The following RTN1 variants were observed in gnomAD, a reference collection of about 807,000 sequenced individuals.
The protein encoded by RTN1 is reticulon 1.
Under a neutral mutation model 65.5 loss-of-function variants are expected in RTN1, and 25 were observed. That is an observed-to-expected ratio of 0.38 (90% CI 0.28 to 0.53). The LOEUF is 0.53. Ranked by LOEUF, RTN1 falls within the 20% of genes least tolerant of loss-of-function variation. RTN1 has a pLI of 0.79. For synonymous variants in RTN1, 471 were observed against 447.6 expected, an observed-to-expected ratio of 1.05 and a Z score of -0.66; for missense variants, 983 against 1,025.4, an observed-to-expected ratio of 0.96 and a Z score of 0.57.
At chr14:59,845,739 T>C (rs946383543) in intron 1 of RTN1, among the ~76,000 whole-genome samples, 1 of 152,182 alleles carries the variant, frequency 6.6e-6, no homozygotes, top group Non-Finnish European at 1.5e-5. Context: ...CTTGTCCATA[T>C]CTGATTATGC....
At chr14:59,770,022 C>T (rs1464334081) in intron 1 of RTN1, among the ~76,000 whole-genome samples, 1 of 152,040 alleles carries the variant, frequency 6.6e-6, no homozygotes, top group Non-Finnish European at 1.5e-5. Context: ...AGGACTGTCA[C>T]GTATAGTTGA....
intron 1 of RTN1, among the ~76,000 whole-genome samples, chr14:59,838,588 A>C (rs1233194815): frequency 6.6e-6 from 1 of 152,188 alleles, no homozygotes; most frequent in Non-Finnish European, 1.5e-5. Flanking sequence ...AAATACCCAG[A>C]AAACTGAAAA....
intron 2 of RTN1, among the ~76,000 whole-genome samples, chr14:59,728,534 C>G (rs1328535172): frequency 6.6e-6 from 1 of 152,062 alleles, no homozygotes; most frequent in African/African-American, 2.4e-5. Context: ...GCTGAGCTTT[C>G]CCTCCCATAG....
intron 3 of RTN1, among the ~76,000 whole-genome samples, chr14:59,684,836 A>G (rs1039209818): frequency 6.6e-6 from 1 of 152,156 alleles, no homozygotes; most frequent in African/African-American, 2.4e-5. Context: ...CTCCATAGAA[A>G]TCTGAAATCA....
At chr14:59,777,332 G>T (rs945899958) in intron 1 of RTN1, among the ~76,000 whole-genome samples, 1 of 152,082 alleles carries the variant, frequency 6.6e-6, no homozygotes, top group African/African-American at 2.4e-5. Context: ...CACAGACTTT[G>T]TACCCCTCAA....
At chr14:59,725,575 C>T (rs962663237) in intron 3 of RTN1, among the ~76,000 whole-genome samples, 3 of 152,224 alleles carry the variant, frequency 2.0e-5, no homozygotes, top group African/African-American at 7.2e-5. Flanking sequence ...AATTTGTCTT[C>T]AAGTATCTTC....
chr14:59,804,369 C>T (rs922639366), intron 1 of RTN1, among the ~76,000 whole-genome samples: 1 of 152,150 alleles, frequency 6.6e-6, no homozygotes, highest in African/African-American at 2.4e-5. Context: ...GACATGACAT[C>T]GCTGGTGATA....
At chr14:59,800,806 G>A (rs1234973765) in intron 1 of RTN1, among the ~76,000 whole-genome samples, 2 of 152,050 alleles carry the variant, frequency 1.3e-5, no homozygotes, top group Non-Finnish European at 2.9e-5. Flanking sequence ...ATATCATACA[G>A]AGAGATTAAA....
intron 2 of RTN1, among the ~76,000 whole-genome samples, chr14:59,745,184 T>A (rs1885190818): frequency 6.6e-6 from 1 of 152,038 alleles, no homozygotes; most frequent in South Asian, 2.1e-4. Flanking sequence ...CTTCAGAGAG[T>A]CCCCACTAGC....
chr14:59,870,321 C>A lies in RTN1; in HGVS notation c.241+69G>T. 1 of 1,363,696 alleles carries A rather than the reference C, an allele frequency of 7.3e-7. No individual in the cohort carries two copies. The highest frequency in any genetic ancestry group is 9.4e-7 in the Non-Finnish European group (1 of 1,060,354). 84.5% of individuals were successfully genotyped at this position (1,363,696 alleles called of 1,614,324 possible). ...GCGAGGCAGGTGCCCAGGAGAGCCG[C>A]GCAGAAGGGGACTGACTGGGGGGCC... On this transcript the variant is annotated intron_variant, in intron 1 of 8. Coordinates refer to ENST00000267484, the MANE Select transcript of RTN1 (RefSeq NM_021136.3). The surrounding 1 kb of genome is among the most constrained non-coding windows in gnomAD (Gnocchi z 5.1).
At chr14:59,721,832 G>A (rs539218069) in intron 3 of RTN1, among the ~76,000 whole-genome samples, 28 of 152,298 alleles carry the variant, frequency 1.8e-4, no homozygotes, top group African/African-American at 4.3e-4. Flanking sequence ...GGTCGGCACC[G>A]AGTACCTTTA....
rs1009206883 is a variant in RTN1, at chr14:59,834,406, T to C, written c.241+35984A>G. On this transcript the variant is annotated intron_variant, in intron 1 of 8. Transcript: ENST00000267484. Reference sequence around the variant, plus strand: ...AACTTGTCCTCTTTAAAAGAGACTGTTAAGAGAATGAAAAGACAAGCCACA... The same window carrying C: ...AACTTGTCCTCTTTAAAAGAGACTGCTAAGAGAATGAAAAGACAAGCCACA... Among the ~76,000 whole-genome samples the C allele has an allele frequency of 2.0e-5, 3 of 152,138 alleles. No individual in the cohort carries two copies. In the South Asian group the frequency reaches 6.2e-4, roughly 32 times the overall value.
chr14:59,780,826 A>G (rs1013343770), intron 1 of RTN1, among the ~76,000 whole-genome samples: 1 of 152,172 alleles, frequency 6.6e-6, no homozygotes, highest in African/African-American at 2.4e-5. Context: ...CATTAGTTCC[A>G]CAAATATTTA....
At chr14:59,783,074 A>ATGAAGAAAGCAAGACAGAAAAAAGG (rs1886186281) in intron 1 of RTN1, among the ~76,000 whole-genome samples, 1 of 152,214 alleles carries the variant, frequency 6.6e-6, no homozygotes, top group Non-Finnish European at 1.5e-5. Flanking sequence ...GATTTTACAG[A>ATGAAGAAAGCAAGACAGAAAAAAGG]TGAAGAAAGC....
chr14:59,607,485 G>C lies in RTN1; in HGVS notation c.1773C>G (p.Asp591Glu), dbSNP rs1881798305. 1.2e-6 allele frequency: 2 copies of C among 1,605,360 alleles called. No homozygotes were observed. Among genetic ancestry groups the C allele is most frequent in the Non-Finnish European group, 1.7e-6 (2 of 1,175,678 alleles). The change falls in exon 4 of 9, where the codon GAC becomes GAG. Residue 591 changes from aspartate (D) to glutamate (E), a missense_variant. Coordinates refer to ENST00000267484, the MANE Select transcript of RTN1 (RefSeq NM_021136.3). ...GCTTGATGTCCCGCCAATACAACAG[G>C]TCAATAGCTGCAGGAGACACCAAAC... Reference protein sequence around the residue: ...LLFLNKQKAIDLLYWRDIKQT... With the variant: ...LLFLNKQKAIELLYWRDIKQT...
At chr14:59,712,149 G>GT (rs1884436752) in intron 3 of RTN1, among the ~76,000 whole-genome samples, 4 of 152,146 alleles carry the variant, frequency 2.6e-5, no homozygotes, top group Non-Finnish European at 5.9e-5. Context: ...ACTGTAGTAT[G>GT]GCCTAACAGA....
rs143351046 is a variant in RTN1 at position 59,635,783 on chromosome 14, G to T, written c.1766-28291C>A. On this transcript the variant is annotated intron_variant, in intron 3 of 8. Transcript: ENST00000267484. ...GTAAATGGAAAGCACAAAATGAAGT[G>T]TCATAAGTCCTCACTTAACATCGTT... Among the ~76,000 whole-genome samples the T allele has an allele frequency of 4.7e-4, 71 of 152,298 alleles. No homozygotes were observed. In the East Asian group the frequency reaches 0.012, roughly 26 times the overall value.
At chr14:59,665,668 C>T (rs957534612) in intron 3 of RTN1, among the ~76,000 whole-genome samples, 3 of 152,044 alleles carry the variant, frequency 2.0e-5, no homozygotes, top group Non-Finnish European at 4.4e-5. Flanking sequence ...AGAGTCAAGA[C>T]CCATCAGTGT....
chr14:59,741,860 T>C (rs1166443321), intron 2 of RTN1, among the ~76,000 whole-genome samples: 1 of 152,206 alleles, frequency 6.6e-6, no homozygotes, highest in Non-Finnish European at 1.5e-5. Context: ...CTCATTCAGA[T>C]TTCAGTTCAT....
Sources: gnomAD v4.1 joint callset for allele counts (sites outside exome capture counted in the v4.1 genomes callset) on GRCh38, gnomAD v4.1.1 for gene constraint, Gnocchi (gnomAD v3.1) non-coding constraint, MANE v1.5 for transcripts, NCBI Gene and HGNC (gene_info 2026-07-23, HGNC 2026-07-21) for gene names.